Variants in JAML observed in about 807,000 individuals in gnomAD.
JAML encodes junctional adhesion molecule-like.
JAML carries 25 observed loss-of-function variants against 39.3 expected under a neutral mutation model. The ratio of observed to expected loss-of-function variants is 0.64; its 90% CI spans 0.46 to 0.89. The LOEUF (loss-of-function observed/expected upper bound fraction) is 0.89. Ranked by LOEUF, JAML falls within the 40% of genes least tolerant of loss-of-function variation. The pLI is 0.00. For missense variants in JAML, 440 were observed against 486.9 expected (o/e 0.90, Z 0.91); for synonymous variants, 162 against 179.2 (o/e 0.90, Z 0.77).
intron 1 of JAML, among the ~76,000 whole-genome samples, chr11:118,217,140 G>A (rs1949153772): frequency 1.3e-5 from 2 of 152,224 alleles, no homozygotes; most frequent in Admixed American, 6.5e-5. Context: ...CTAAAAGGCA[G>A]CACCATACGT....
At position 118,198,011 on chromosome 11, in the gene JAML, C is replaced by G. The variant is rs553181153; in HGVS notation, c.992G>C (p.Arg331Thr). 1.2e-6 allele frequency: 2 copies of G among 1,613,998 alleles called. No homozygotes were observed. Among genetic ancestry groups the G allele is most frequent in the African/African-American group, 2.7e-5 (2 of 74,952 alleles). Residue 331 changes from arginine to threonine, a missense_variant, in exon 8 of 10, where the codon AGA (arginine) becomes ACA (threonine). Coordinates refer to ENST00000356289, the MANE Select transcript of JAML (RefSeq NM_001098526.2). ...EIKEKPCHFE[R>T]CEGEKHIYSP... The stretch of plus-strand genomic sequence containing the variant: ...GCGTGTGTTCACCTCCCCTTCACAT[C>G]TTTCAAAATGGCAGGGTTTTTCTTT...
intron 1 of JAML, among the ~76,000 whole-genome samples, chr11:118,217,207 A>G (rs1000404581): frequency 2.0e-5 from 3 of 152,242 alleles, no homozygotes; most frequent in African/African-American, 7.2e-5. Context: ...AATGCCTGGC[A>G]TATACTGGAT....
chr11:118,200,779 C>T, intron 6 of JAML, 167 bp from the exon 7 acceptor site: 1 of 690,100 alleles, frequency 1.4e-6, no homozygotes, highest in Middle Eastern at 4.2e-4. Context: ...AGATTGAGAA[C>T]CAAAGTCTAA....
chr11:118,196,593 G>T, intron 9 of JAML, 142 bp downstream of exon 9: 1 of 705,196 alleles, frequency 1.4e-6, no homozygotes, highest in East Asian at 2.5e-5. Flanking sequence ...CTATCCAGCA[G>T]AACTTCAGTT....
intron 4 of JAML, among the ~76,000 whole-genome samples, chr11:118,210,093 C>T (rs1451301990): frequency 6.6e-6 from 1 of 152,148 alleles, no homozygotes; most frequent in Non-Finnish European, 1.5e-5. Flanking sequence ...ACAGATGTAG[C>T]ATCAATGTGG....
intron 4 of JAML, chr11:118,209,157 CT>C: frequency 3.2e-6 from 1 of 315,512 alleles, no homozygotes. Flanking sequence ...ATAATGCCTC[CT>C]TTGGTTACAG....
At chr11:118,218,739 A>G (rs886794185) in intron 1 of JAML, among the ~76,000 whole-genome samples, 1 of 152,228 alleles carries the variant, frequency 6.6e-6, no homozygotes, top group Non-Finnish European at 1.5e-5. Flanking sequence ...TGAATTTTAT[A>G]TATACATATT....
chr11:118,210,750 G>C lies in JAML; in HGVS notation c.199-38C>G, dbSNP rs542073893. On this transcript the variant is annotated intron_variant, in intron 3 of 9. Transcript: ENST00000356289. ...ACAGTGTTGGAGACAATCAAAAGAG[G>C]TGCCAGACCGAGGAGCCTGGATCCC... 2.7e-5 allele frequency: 42 copies of C among 1,564,698 alleles called. No individual in the cohort carries two copies. The African/African-American group carries it at 4.3e-4, about 16-fold the overall frequency.
intron 6 of JAML, chr11:118,201,902 G>C (rs1948808591): frequency 6.6e-6 from 1 of 152,250 alleles, no homozygotes; most frequent in Non-Finnish European, 1.5e-5. Context: ...GCTGAGGAGG[G>C]GTGTGCAGGG....
chr11:118,214,901 AC>A lies in JAML; in HGVS notation c.-20-16del, dbSNP rs1403591955. 6.2e-7 allele frequency: 1 copy of A among 1,606,050 alleles called. No individual in the cohort carries two copies. Among genetic ancestry groups the A allele is most frequent in the African/African-American group, 1.3e-5 (1 of 74,766 alleles). ...AACTTTCAAATCTTAAGATAAAAGA[AC>A]AAAAATCACAAAATCATGTCAAGAG... is the stretch of plus-strand genomic sequence containing the variant. On this transcript the variant is annotated splice_polypyrimidine_tract_variant and intron_variant, in intron 1 of 9. Transcript: ENST00000356289.
chr11:118,221,080 C>T (rs1406470801), intron 1 of JAML, among the ~76,000 whole-genome samples: 4 of 152,186 alleles, frequency 2.6e-5, no homozygotes, highest in African/African-American at 4.8e-5. Flanking sequence ...ATACCTTTTG[C>T]TTATATGGTA....
intron 1 of JAML, among the ~76,000 whole-genome samples, chr11:118,216,351 A>T (rs1016187685): frequency 6.7e-6 from 1 of 149,414 alleles, no homozygotes; most frequent in African/African-American, 2.5e-5. Flanking sequence ...CCTGGGCGAC[A>T]GAGCGAGACT....
chr11:118,220,925 A>G (rs1347177356), intron 1 of JAML, among the ~76,000 whole-genome samples: 1 of 152,216 alleles, frequency 6.6e-6, no homozygotes, highest in Non-Finnish European at 1.5e-5. Flanking sequence ...CTTAAAATGA[A>G]GTGGGCTCTC....
intron 1 of JAML, among the ~76,000 whole-genome samples, chr11:118,215,482 C>T (rs924558983): frequency 6.6e-6 from 1 of 151,552 alleles, no homozygotes; most frequent in African/African-American, 2.4e-5. Flanking sequence ...CCTGAGTAGC[C>T]GAGACTACAG....
At chr11:118,199,854 G>A (rs1019194002) in intron 7 of JAML, among the ~76,000 whole-genome samples, 5 of 151,668 alleles carry the variant, frequency 3.3e-5, no homozygotes, top group South Asian at 2.1e-4. Context: ...ATGCCACCAC[G>A]TCCAGCTAAT....
chr11:118,198,189 AC>A, intron 7 of JAML, 98 bp from the exon 8 acceptor site: 1 of 990,054 alleles, frequency 1.0e-6, no homozygotes, highest in Non-Finnish European at 1.6e-6. Context: ...AGAGAGAGAC[AC>A]CAGAGAAGGA....
intron 1 of JAML, among the ~76,000 whole-genome samples, chr11:118,221,345 G>A (rs1591483312): frequency 6.6e-6 from 1 of 152,142 alleles, no homozygotes; most frequent in East Asian, 1.9e-4. Context: ...TGGCACCGGG[G>A]ACAATTTTTC....
intron 6 of JAML, 122 bp from the exon 7 acceptor site, chr11:118,200,734 C>T (rs1394015380): frequency 5.4e-6 from 6 of 1,104,198 alleles, no homozygotes; most frequent in South Asian, 1.5e-5. Flanking sequence ...CCAGACTCCA[C>T]CCCATATCTG....
chr11:118,223,527 T>A (rs941375990), intron 1 of JAML, among the ~76,000 whole-genome samples: 3 of 152,154 alleles, frequency 2.0e-5, no homozygotes, highest in Non-Finnish European at 4.4e-5. Flanking sequence ...TAATGAGATT[T>A]TTGTTTACCT....
Sources: gnomAD v4.1 joint callset for allele counts (sites outside exome capture counted in the v4.1 genomes callset) on GRCh38, gnomAD v4.1.1 for gene constraint, MANE v1.5 for transcripts, NCBI Gene and HGNC (gene_info 2026-07-23, HGNC 2026-07-21) for gene names.